The following KCND2 variants were observed in gnomAD, a reference collection of about 807,000 sequenced individuals.
KCND2 encodes the protein potassium voltage-gated channel subfamily D member 2, also known as A-type voltage-gated potassium channel KCND2.
A neutral mutation model predicts 54.4 loss-of-function variants in KCND2; 16 were observed. The ratio of observed to expected loss-of-function variants is 0.29; its 90% confidence interval spans 0.20 to 0.45. The LOEUF is 0.45. Ranked by LOEUF, KCND2 falls within the 20% of genes least tolerant of loss-of-function variation. KCND2 has a pLI of 1.00. For missense variants in KCND2, 486 were observed against 824.2 expected (o/e 0.59, Z 5.02); for synonymous variants, 317 against 310.7 (o/e 1.02, Z -0.21).
chr7:120,747,041 A>T (rs1310537025), intron 5 of KCND2: 1 of 152,170 alleles, frequency 6.6e-6, no homozygotes, highest in South Asian at 2.1e-4. Flanking sequence ...TAAACATCTT[A>T]ATTATGTTTT....
intron 1 of KCND2, among the ~76,000 whole-genome samples, chr7:120,719,602 AT>A (rs1465108011): frequency 2.0e-5 from 3 of 152,048 alleles, no homozygotes; most frequent in Admixed American, 1.3e-4. Context: ...ACACAAGAAT[AT>A]TTTTCTTTAT....
chr7:120,285,009 A>T (rs1275608636), intron 1 of KCND2, among the ~76,000 whole-genome samples: 1 of 152,164 alleles, frequency 6.6e-6, no homozygotes, highest in Non-Finnish European at 1.5e-5. Flanking sequence ...AAGATAAATA[A>T]ATTCATGTAA....
At chr7:120,613,142 G>A (rs553206282) in intron 1 of KCND2, among the ~76,000 whole-genome samples, 8 of 150,658 alleles carry the variant, frequency 5.3e-5, no homozygotes, top group South Asian at 2.1e-4. Context: ...TAGCTATTAC[G>A]CAGTGATTCA....
chr7:120,711,580 C>T (rs1327182057), intron 1 of KCND2, among the ~76,000 whole-genome samples: 1 of 152,108 alleles, frequency 6.6e-6, no homozygotes, highest in Admixed American at 6.6e-5. Flanking sequence ...CCAGAGGGCT[C>T]CCTACATTGA....
chr7:120,371,499 T>C (rs1800765014), intron 1 of KCND2, among the ~76,000 whole-genome samples: 1 of 152,112 alleles, frequency 6.6e-6, no homozygotes, highest in Non-Finnish European at 1.5e-5. Flanking sequence ...GTTTCCTGAT[T>C]GAGGCCATGG....
chr7:120,416,204 A>G (rs1801522516), intron 1 of KCND2, among the ~76,000 whole-genome samples: 1 of 152,132 alleles, frequency 6.6e-6, no homozygotes, highest in Non-Finnish European at 1.5e-5. Context: ...TATTATTACT[A>G]ACCTGTTTAT....
chr7:120,605,201 A>G (rs1029531080), intron 1 of KCND2, among the ~76,000 whole-genome samples: 3 of 152,202 alleles, frequency 2.0e-5, no homozygotes, highest in African/African-American at 7.2e-5. Flanking sequence ...AAGAAACCAC[A>G]TACTTGTTAG....
intron 1 of KCND2, among the ~76,000 whole-genome samples, chr7:120,578,821 C>T (rs1792473315): frequency 6.6e-6 from 1 of 151,966 alleles, no homozygotes; most frequent in Admixed American, 6.6e-5. Flanking sequence ...GTGAAGATTG[C>T]ACCATTGCAC....
chr7:120,644,872 C>T (rs1270198684), intron 1 of KCND2, among the ~76,000 whole-genome samples: 1 of 152,124 alleles, frequency 6.6e-6, no homozygotes, highest in Non-Finnish European at 1.5e-5. Flanking sequence ...CTTTCTAAAC[C>T]TTCATACACG....
Position 120,670,957 on chromosome 7 carries a change from T to C in KCND2, c.1116-61946T>C, listed in dbSNP as rs116271151. Among the ~76,000 whole-genome samples the C allele has an allele frequency of 1.7e-3, 263 of 151,788 alleles. 2 individuals are homozygous for C. The highest frequency in any genetic ancestry group is 6.2e-3 in the African/African-American group (255 of 41,438). ...AAAGAAAAGGGATGAATGTACAACA[T>C]TGGTGTTATTATTACCTCTGAAAAG... On this transcript the variant is annotated intron_variant, in intron 1 of 5. Coordinates refer to ENST00000331113, the MANE Select transcript of KCND2 (RefSeq NM_012281.3).
rs148517887 is a variant in KCND2, at chr7:120,439,872, T to C, written c.1115+164125T>C. Among the ~76,000 whole-genome samples the C allele has an allele frequency of 3.9e-5, 6 of 152,130 alleles. No homozygotes were observed. The East Asian group carries it at 1.2e-3, about 29-fold the overall frequency. On this transcript the variant is annotated intron_variant, in intron 1 of 5. Coordinates refer to ENST00000331113, the MANE Select transcript of KCND2 (RefSeq NM_012281.3). ...TATGTCTAAATAGTGTTCCATTTTG[T>C]ATATCTACACTTTATCCCTTCATCT...
intron 1 of KCND2, among the ~76,000 whole-genome samples, chr7:120,590,162 G>A (rs1378020969): frequency 6.6e-6 from 1 of 152,088 alleles, no homozygotes; most frequent in Non-Finnish European, 1.5e-5. Flanking sequence ...GGGATTACAG[G>A]TGCATGCCAC....
In KCND2 at chr7:120,623,723, G is replaced by A. The variant is rs565654132; in HGVS notation, c.1116-109180G>A. Among the ~76,000 whole-genome samples, 3 of 152,224 alleles carry A rather than the reference G, an allele frequency of 2.0e-5. No individual in the cohort carries two copies. In the South Asian group the frequency reaches 6.2e-4, roughly 32 times the overall value. ...TATTTAAATTGTAAAATGGATGATAGAAACAATAATTTTTAAAATATGTTC... is the reference window on the plus strand; with the variant it reads ...TATTTAAATTGTAAAATGGATGATAAAAACAATAATTTTTAAAATATGTTC... On this transcript the variant is annotated intron_variant, in intron 1 of 5. Transcript: ENST00000331113.
At chr7:120,313,151 C>T (rs975803632) in intron 1 of KCND2, among the ~76,000 whole-genome samples, 2 of 152,090 alleles carry the variant, frequency 1.3e-5, no homozygotes, top group Admixed American at 1.3e-4. Context: ...TCTTTGTGAT[C>T]TCATGAAATT....
chr7:120,639,830 G>A lies in KCND2; in HGVS notation c.1116-93073G>A, dbSNP rs143808465. Among the ~76,000 whole-genome samples the A allele has an allele frequency of 3.3e-3, 502 of 152,126 alleles. 4 individuals are homozygous for A. The highest frequency in any genetic ancestry group is 6.8e-3 in the Middle Eastern group (2 of 294). Reference sequence around the variant, plus strand: ...AATGAACAAAAGCTTCACACAAAAGGATTTTTCTATTTTCCGTGGGTAGAA... The same window carrying A: ...AATGAACAAAAGCTTCACACAAAAGAATTTTTCTATTTTCCGTGGGTAGAA... On this transcript the variant is annotated intron_variant, in intron 1 of 5. Transcript: ENST00000331113.
At chr7:120,525,904 A>G (rs999141952) in intron 1 of KCND2, among the ~76,000 whole-genome samples, 1 of 152,174 alleles carries the variant, frequency 6.6e-6, no homozygotes, top group Non-Finnish European at 1.5e-5. Flanking sequence ...TATGTTAATA[A>G]CATCATTGTA....
chr7:120,510,279 G>A (rs1320337657), intron 1 of KCND2, among the ~76,000 whole-genome samples: 1 of 152,064 alleles, frequency 6.6e-6, no homozygotes, highest in East Asian at 1.9e-4. Context: ...TCTTGGCATT[G>A]ACACTACTAT....
At chr7:120,590,697 A>G (rs1300138249) in intron 1 of KCND2, among the ~76,000 whole-genome samples, 1 of 152,206 alleles carries the variant, frequency 6.6e-6, no homozygotes, top group African/African-American at 2.4e-5. Flanking sequence ...CATTCTGAGT[A>G]TTCTAATTTT....
intron 1 of KCND2, among the ~76,000 whole-genome samples, chr7:120,511,165 A>G (rs1803108816): frequency 6.6e-6 from 1 of 151,928 alleles, no homozygotes; most frequent in South Asian, 2.1e-4. Flanking sequence ...CATTTTTTGA[A>G]TCTGGAGAAC....
Sources: allele counts gnomAD v4.1 joint callset (sites outside exome capture counted in the v4.1 genomes callset), GRCh38; gene constraint gnomAD v4.1.1; transcripts MANE v1.5; gene names NCBI Gene and HGNC (gene_info 2026-07-23, HGNC 2026-07-21).